The following CA10 variants were observed in gnomAD, a reference collection of about 807,000 sequenced individuals.
The protein encoded by CA10 is carbonic anhydrase-related protein 10.
CA10 carries 14 observed loss-of-function variants against 44.2 expected under a neutral mutation model. The observed-to-expected ratio is 0.32, with a 90% CI of 0.21 to 0.50. The LOEUF (loss-of-function observed/expected upper bound fraction) is 0.50, where lower values mean the gene tolerates loss of function less well. Among genes scored for constraint, CA10 ranks in the 20% least tolerant of loss-of-function variants. CA10 has a pLI of 0.99. For synonymous variants in CA10, 159 were observed against 141.6 expected (o/e 1.12, Z -0.87); for missense variants, 350 against 409.7 (o/e 0.85, Z 1.26).
At chr17:51,971,815 G>C (rs1371702064) in intron 2 of CA10, among the ~76,000 whole-genome samples, 1 of 151,794 alleles carries the variant, frequency 6.6e-6, no homozygotes, top group Non-Finnish European at 1.5e-5. Flanking sequence ...ATTAGCCTAA[G>C]CTAGTATAAC....
chr17:51,825,710 A>T (rs1363084102), intron 3 of CA10, among the ~76,000 whole-genome samples: 6 of 152,232 alleles, frequency 3.9e-5, no homozygotes, highest in Non-Finnish European at 5.9e-5. Flanking sequence ...TGTCTTGCCT[A>T]TGACTCTCTC....
chr17:51,637,773 T>C lies in CA10; in HGVS notation c.635-1764A>G, dbSNP rs1912897796. Among the ~76,000 whole-genome samples, 7 of 152,266 alleles carry C rather than the reference T, an allele frequency of 4.6e-5. No homozygotes were observed. In the South Asian group the frequency reaches 1.5e-3, roughly 32 times the overall value. ...CAAGGTCACAGGGCTAGCTGGTGAC[T>C]GCAAAGTGGAAATTAGAACTCAGCT... On this transcript the variant is annotated intron_variant, in intron 6 of 8. Transcript: ENST00000451037.
At chr17:51,699,788 C>T (rs974099501) in intron 4 of CA10, among the ~76,000 whole-genome samples, 3 of 152,146 alleles carry the variant, frequency 2.0e-5, no homozygotes, top group African/African-American at 2.4e-5. Context: ...TGTATACCAG[C>T]TTCATCCCCA....
At chr17:51,921,714 G>T (rs1982242040) in intron 3 of CA10, among the ~76,000 whole-genome samples, 1 of 152,152 alleles carries the variant, frequency 6.6e-6, no homozygotes. Flanking sequence ...TAATTAGACT[G>T]AATTCATCTC....
At chr17:51,789,117 C>A (rs1469341922) in intron 3 of CA10, among the ~76,000 whole-genome samples, 1 of 152,134 alleles carries the variant, frequency 6.6e-6, no homozygotes, top group African/African-American at 2.4e-5. Flanking sequence ...TGGGTTCAAG[C>A]AATTCTCCTG....
At chr17:51,754,465 AT>A (rs1334476528) in intron 3 of CA10, among the ~76,000 whole-genome samples, 1 of 140,830 alleles carries the variant, frequency 7.1e-6, no homozygotes, top group East Asian at 2.1e-4. Context: ...AAATAAAGAG[AT>A]TTTAAGAAAT....
At chr17:52,137,161 A>G (rs944301204) in intron 1 of CA10, among the ~76,000 whole-genome samples, 7 of 151,936 alleles carry the variant, frequency 4.6e-5, no homozygotes, top group Non-Finnish European at 1.0e-4. Context: ...TAGGGTGGCA[A>G]AAGTGTATGG....
chr17:51,952,973 G>T (rs1267090680), intron 2 of CA10, among the ~76,000 whole-genome samples: 1 of 152,092 alleles, frequency 6.6e-6, no homozygotes, highest in South Asian at 2.1e-4. Context: ...AAAGGACTAG[G>T]CTGGTCTTGA....
intron 1 of CA10, among the ~76,000 whole-genome samples, chr17:52,145,113 G>A (rs137869734): frequency 6.6e-6 from 1 of 152,286 alleles, no homozygotes; most frequent in East Asian, 1.9e-4. Context: ...ACTAGAGGGT[G>A]ACAAGGTAAT....
At chr17:51,989,444 G>A (rs1343923203) in intron 2 of CA10, among the ~76,000 whole-genome samples, 6 of 151,816 alleles carry the variant, frequency 4.0e-5, no homozygotes, top group Non-Finnish European at 8.8e-5. Flanking sequence ...GTGTTAGTTT[G>A]CCAAAGATAA....
intron 3 of CA10, among the ~76,000 whole-genome samples, chr17:51,822,215 C>A (rs1408034578): frequency 6.6e-6 from 1 of 152,004 alleles, no homozygotes; most frequent in Non-Finnish European, 1.5e-5. Flanking sequence ...CCTGAGGTCA[C>A]CACAACTAGC....
At chr17:52,002,478 C>A (rs1020579663) in intron 2 of CA10, among the ~76,000 whole-genome samples, 9 of 151,780 alleles carry the variant, frequency 5.9e-5, no homozygotes, top group Admixed American at 3.3e-4. Context: ...GTAGAGGAGG[C>A]AAGATGGATA....
intron 4 of CA10, among the ~76,000 whole-genome samples, chr17:51,722,276 T>A (rs1189703325): frequency 6.6e-6 from 1 of 152,014 alleles, no homozygotes; most frequent in African/African-American, 2.4e-5. Flanking sequence ...GCAATAGCAC[T>A]GTATGAATGC....
chr17:51,648,439 A>G (rs1325711597), intron 6 of CA10, among the ~76,000 whole-genome samples: 2 of 152,364 alleles, frequency 1.3e-5, no homozygotes, highest in Non-Finnish European at 2.9e-5. Context: ...GGACAAAGCC[A>G]GGACTTGAAT....
intron 3 of CA10, among the ~76,000 whole-genome samples, chr17:51,928,485 A>C (rs1175742096): frequency 6.6e-6 from 1 of 152,148 alleles, no homozygotes; most frequent in East Asian, 1.9e-4. Flanking sequence ...AATATGTTAA[A>C]ATAAACATAG....
rs1233742931 is a variant in CA10 at position 51,632,361 on chromosome 17, C to A, written c.965-755G>T. ...ATGAATGAGTTAGGTATTTACTTTTCTGGTAGTTCCGGCTGGAAGGGTGTG... is the reference window on the plus strand; with the variant it reads ...ATGAATGAGTTAGGTATTTACTTTTATGGTAGTTCCGGCTGGAAGGGTGTG... On this transcript the variant is annotated intron_variant, in intron 8 of 8. Coordinates refer to ENST00000451037, the MANE Select transcript of CA10 (RefSeq NM_020178.5). Among the ~76,000 whole-genome samples the A allele has an allele frequency of 3.9e-5, 6 of 152,130 alleles. No individual in the cohort carries two copies. In the East Asian group the frequency reaches 9.6e-4, roughly 24 times the overall value.
At chr17:51,726,744 C>G (rs1355852104) in intron 4 of CA10, among the ~76,000 whole-genome samples, 1 of 152,042 alleles carries the variant, frequency 6.6e-6, no homozygotes, top group Non-Finnish European at 1.5e-5. Context: ...TATTCTGTTC[C>G]CCTACTATGA....
intron 3 of CA10, among the ~76,000 whole-genome samples, chr17:51,924,672 T>C (rs1372422196): frequency 6.6e-6 from 1 of 152,144 alleles, no homozygotes; most frequent in African/African-American, 2.4e-5. Context: ...GCTCCACCCT[T>C]AGGGGTTGCC....
At chr17:51,901,746 A>C (rs926024654) in intron 3 of CA10, among the ~76,000 whole-genome samples, 1 of 152,158 alleles carries the variant, frequency 6.6e-6, no homozygotes, top group Non-Finnish European at 1.5e-5. Flanking sequence ...GGTAATTTTA[A>C]TAATGATGAC....
Sources: gnomAD v4.1 joint callset for allele counts (sites outside exome capture counted in the v4.1 genomes callset) on GRCh38, gnomAD v4.1.1 for gene constraint, MANE v1.5 for transcripts, NCBI Gene and HGNC (gene_info 2026-07-23, HGNC 2026-07-21) for gene names.